Variants in RPS6KA2 observed in about 807,000 individuals in gnomAD.
RPS6KA2 encodes ribosomal protein S6 kinase alpha-2.
In RPS6KA2, 42 loss-of-function variants were observed where a neutral mutation model predicts 91.8. The ratio of observed to expected loss-of-function variants is 0.46; its 90% confidence interval spans 0.36 to 0.59. The LOEUF (loss-of-function observed/expected upper bound fraction) is 0.59, where lower values mean the gene tolerates loss of function less well. Among genes scored for constraint, RPS6KA2 ranks in the 20% least tolerant of loss-of-function variants. The pLI is 0.00. For synonymous variants in RPS6KA2, 414 were observed against 393.6 expected (o/e 1.05, Z -0.61); for missense variants, 798 against 978.5 (o/e 0.82, Z 2.46).
intron 19 of RPS6KA2, among the ~76,000 whole-genome samples, chr6:166,417,649 A>ACACACG (rs980071241): frequency 6.8e-6 from 1 of 147,878 alleles, no homozygotes; most frequent in African/African-American, 2.6e-5. Context: ...ACACACACAC[A>ACACACG]CACGCACGCA....
chr6:166,718,424 C>A (rs1790082680), intron 2 of RPS6KA2, among the ~76,000 whole-genome samples: 1 of 152,170 alleles, frequency 6.6e-6, no homozygotes, highest in Admixed American at 6.5e-5. Flanking sequence ...GCAGAAAAGG[C>A]TTTGGAGATC....
intron 2 of RPS6KA2, among the ~76,000 whole-genome samples, chr6:166,768,110 G>A (rs145937005): frequency 1.8e-3 from 281 of 152,272 alleles, no homozygotes; most frequent in African/African-American, 6.5e-3. Flanking sequence ...ATAAAACAGG[G>A]CATGTGTGTT....
At chr6:166,829,507 C>A (rs891950645) in intron 2 of RPS6KA2, among the ~76,000 whole-genome samples, 4 of 142,162 alleles carry the variant, frequency 2.8e-5, no homozygotes, top group African/African-American at 1.1e-4. Context: ...AGGAGAATGG[C>A]GTGAACCTGG....
intron 1 of RPS6KA2, among the ~76,000 whole-genome samples, chr6:166,613,936 G>A (rs1786298985): frequency 6.6e-6 from 1 of 152,016 alleles, no homozygotes; most frequent in Admixed American, 6.5e-5. Context: ...AAGGCCCCAA[G>A]AGCTTTGGGC....
At chr6:166,717,563 C>T (rs1790047093) in intron 2 of RPS6KA2, among the ~76,000 whole-genome samples, 1 of 152,196 alleles carries the variant, frequency 6.6e-6, no homozygotes. Flanking sequence ...CTCAGCAGAC[C>T]ACTGGCAGTG....
intron 2 of RPS6KA2, among the ~76,000 whole-genome samples, chr6:166,751,449 C>G (rs1791279912): frequency 1.3e-5 from 2 of 152,218 alleles, no homozygotes; most frequent in Non-Finnish European, 2.9e-5. Context: ...CTGAGCAGAG[C>G]CTGTAACCCC....
At chr6:166,460,155 G>A (rs1026646868) in intron 11 of RPS6KA2, among the ~76,000 whole-genome samples, 2 of 152,344 alleles carry the variant, frequency 1.3e-5, no homozygotes, top group South Asian at 2.1e-4. Flanking sequence ...CAGGCTCCTC[G>A]ACAGGAGGAC....
At chr6:166,449,781 GACCACCAT>G (rs1241410261) in intron 13 of RPS6KA2, among the ~76,000 whole-genome samples, 1 of 113,898 alleles carries the variant, frequency 8.8e-6, no homozygotes, top group Non-Finnish European at 2.0e-5. Flanking sequence ...CCATTACAGG[GACCACCAT>G]GGGAGCCACC....
chr6:166,686,832 T>G (rs184116258), intron 2 of RPS6KA2, among the ~76,000 whole-genome samples: 2 of 152,338 alleles, frequency 1.3e-5, no homozygotes, highest in Admixed American at 1.3e-4. Flanking sequence ...TGTGCATACC[T>G]GGTGGATTAA....
At chr6:166,752,544 TATTTA>T (rs1777882007) in intron 2 of RPS6KA2, among the ~76,000 whole-genome samples, 3 of 152,348 alleles carry the variant, frequency 2.0e-5, no homozygotes, top group Admixed American at 2.0e-4. Flanking sequence ...GGTTATTAAA[TATTTA>T]ATTTAATTCA....
At chr6:166,488,997 T>G in intron 9 of RPS6KA2, 76 bp from the exon 10 acceptor site, 1 of 1,240,198 alleles carries the variant, frequency 8.1e-7, no homozygotes, top group Non-Finnish European at 1.2e-6. Flanking sequence ...CCAGTCAGCA[T>G]TCAGAGACCT....
chr6:166,814,708 C>A (rs1779718761), intron 2 of RPS6KA2, among the ~76,000 whole-genome samples: 1 of 152,198 alleles, frequency 6.6e-6, no homozygotes, highest in African/African-American at 2.4e-5. Context: ...GGAACATGAA[C>A]CCTGTTGTGA....
intron 2 of RPS6KA2, among the ~76,000 whole-genome samples, chr6:166,752,193 G>A (rs1362441819): frequency 6.6e-6 from 1 of 152,224 alleles, no homozygotes; most frequent in African/African-American, 2.4e-5. Flanking sequence ...TCTTCCAGAT[G>A]GGCCGGCCTA....
intron 1 of RPS6KA2, among the ~76,000 whole-genome samples, chr6:166,621,187 A>C (rs1786615852): frequency 6.6e-6 from 1 of 152,214 alleles, no homozygotes; most frequent in South Asian, 2.1e-4. Flanking sequence ...ACTGCATAAC[A>C]TATGCAAATG....
intron 2 of RPS6KA2, among the ~76,000 whole-genome samples, chr6:166,640,824 C>T (rs919456930): frequency 1.3e-5 from 2 of 151,312 alleles, no homozygotes; most frequent in Non-Finnish European, 2.9e-5. Context: ...TGTGGGGGGT[C>T]GGATCCGAGT....
chr6:166,630,938 G>A (rs557225420), upstream of RPS6KA2, among the ~76,000 whole-genome samples: 224 of 152,350 alleles, frequency 1.5e-3, 1 homozygote, highest in Non-Finnish European at 8.7e-4. Context: ...GGCACGTTCG[G>A]AGCAGGTGTC....
intron 1 of RPS6KA2, chr6:166,858,332 A>C: frequency 1.3e-6 from 1 of 784,938 alleles, no homozygotes; most frequent in Non-Finnish European, 2.1e-6. Context: ...ACAGGTTACC[A>C]ATATGAAAAA....
chr6:166,794,720 C>G (rs1397305870), intron 2 of RPS6KA2, among the ~76,000 whole-genome samples: 1 of 151,158 alleles, frequency 6.6e-6, no homozygotes, highest in African/African-American at 2.5e-5. Context: ...ATGGATGAAG[C>G]TGGAAACCAT....
intron 6 of RPS6KA2, among the ~76,000 whole-genome samples, chr6:166,503,621 C>A (rs1213553810): frequency 2.0e-5 from 3 of 152,150 alleles, no homozygotes; most frequent in African/African-American, 7.2e-5. Context: ...TGGCATTAAT[C>A]GGCCCCTCAG....
Sources: gnomAD v4.1 joint callset for allele counts (sites outside exome capture counted in the v4.1 genomes callset) on GRCh38, gnomAD v4.1.1 for gene constraint, MANE v1.5 for transcripts, NCBI Gene and HGNC (gene_info 2026-07-23, HGNC 2026-07-21) for gene names.